LRRC4C: variants seen among roughly 807,000 people sequenced by gnomAD.
LRRC4C encodes the protein leucine-rich repeat-containing protein 4C.
In LRRC4C, 5 loss-of-function variants were observed where a neutral mutation model predicts 33.6. The observed-to-expected ratio is 0.15, with a 90% confidence interval of 0.08 to 0.31. LRRC4C has a LOEUF of 0.31. Ranked by LOEUF, LRRC4C falls within the 10% of genes least tolerant of loss-of-function variation. The probability of loss-of-function intolerance (pLI) is 1.00; values close to 1 mark genes in which losing one functional copy is unlikely to be tolerated. For synonymous variants in LRRC4C, 329 were observed against 302.0 expected (o/e 1.09, Z -0.93); for missense variants, 560 against 796.7 (o/e 0.70, Z 3.58).
intron 3 of LRRC4C, chr11:40,446,982 T>A (rs2138031670): frequency 6.5e-6 from 1 of 153,424 alleles, no homozygotes; most frequent in African/African-American, 2.4e-5. Flanking sequence ...CTACCACTTA[T>A]GGCTCTGCTC....
chr11:41,251,077 A>G (rs1948623703), intron 1 of LRRC4C, among the ~76,000 whole-genome samples: 1 of 152,242 alleles, frequency 6.6e-6, no homozygotes, highest in African/African-American at 2.4e-5. Flanking sequence ...TCAACCAAAA[A>G]TAAGAAGCCA....
In LRRC4C at chr11:41,076,318, A is replaced by G. The variant is rs905569731; in HGVS notation, c.-495-142595T>C. 4.6e-5 allele frequency among the ~76,000 whole-genome samples: 7 copies of G among 152,182 alleles called. No homozygotes were observed. The East Asian group carries it at 1.3e-3, about 29-fold the overall frequency. On this transcript the variant is annotated intron_variant, in intron 1 of 6. Transcript: ENST00000528697. The stretch of plus-strand genomic sequence containing the variant: ...GTCCACTTCAAGTATTGCCAGATGT[A>G]TTAGTCCATCCTCACAATGCTATAA...
intron 4 of LRRC4C, among the ~76,000 whole-genome samples, chr11:40,297,715 T>A (rs1944581394): frequency 6.6e-6 from 1 of 152,202 alleles, no homozygotes; most frequent in Non-Finnish European, 1.5e-5. Flanking sequence ...TAGCATTTAA[T>A]GAAAGCTTGC....
intron 5 of LRRC4C, among the ~76,000 whole-genome samples, chr11:40,211,316 G>A (rs1313537746): frequency 6.6e-6 from 1 of 152,046 alleles, no homozygotes; most frequent in African/African-American, 2.4e-5. Context: ...AATAGATAAC[G>A]AGAAAATAAG....
intron 1 of LRRC4C, among the ~76,000 whole-genome samples, chr11:40,966,202 T>C (rs1457914864): frequency 6.6e-6 from 1 of 151,950 alleles, no homozygotes; most frequent in Admixed American, 6.6e-5. Context: ...ACAAAATCAA[T>C]ACAGTGCAAC....
At position 40,115,294 on chromosome 11, in the gene LRRC4C, A is replaced by G. The variant is rs200117922; in HGVS notation, c.999T>C (p.Pro333=). 4.5e-5 allele frequency: 73 copies of G among 1,614,140 alleles called. No homozygotes were observed. In the East Asian group the frequency reaches 1.5e-3, roughly 34 times the overall value. ...NTACCARCNT[P]PNLKGRYIGE... is the part of the protein sequence containing the mutation. ...CAATGTACCTCCCCTTTAGATTGGG[A>G]GGAGTGTTACACCGGGCACAACAAG... Residue 333 remains proline, a synonymous_variant, in exon 7 of 7, where the codon CCT becomes CCC. Coordinates refer to ENST00000528697, the MANE Select transcript of LRRC4C (RefSeq NM_001258419.2). The surrounding 1 kb of genome is among the most constrained non-coding windows in gnomAD (Gnocchi z 6.7).
chr11:40,291,870 C>A (rs1230002671), intron 4 of LRRC4C, among the ~76,000 whole-genome samples: 1 of 151,866 alleles, frequency 6.6e-6, no homozygotes, highest in Non-Finnish European at 1.5e-5. Context: ...AACTTAAATG[C>A]ATTCTGGAGT....
intron 6 of LRRC4C, among the ~76,000 whole-genome samples, chr11:40,138,498 T>C (rs1857140992): frequency 6.6e-6 from 1 of 152,206 alleles, no homozygotes; most frequent in African/African-American, 2.4e-5. Flanking sequence ...CCAAACCTCA[T>C]GGCTTAGAAG....
intron 3 of LRRC4C, among the ~76,000 whole-genome samples, chr11:40,488,667 T>A (rs531762514): frequency 1.2e-4 from 18 of 152,044 alleles, no homozygotes; most frequent in Non-Finnish European, 2.5e-4. Context: ...CCTGTTTGGA[T>A]TCTTACGTGA....
chr11:40,662,605 C>T (rs1943500515), intron 2 of LRRC4C, among the ~76,000 whole-genome samples: 1 of 152,190 alleles, frequency 6.6e-6, no homozygotes, highest in African/African-American at 2.4e-5. Flanking sequence ...AAATTCAGTT[C>T]TGATCCTTTT....
At chr11:41,271,572 A>G (rs961199086) in intron 1 of LRRC4C, among the ~76,000 whole-genome samples, 1 of 152,070 alleles carries the variant, frequency 6.6e-6, no homozygotes, top group Non-Finnish European at 1.5e-5. Flanking sequence ...TAACTGAACT[A>G]GCTCCCTCTC....
intron 3 of LRRC4C, among the ~76,000 whole-genome samples, chr11:40,607,409 A>G (rs759696802): frequency 3.9e-5 from 6 of 152,142 alleles, no homozygotes; most frequent in Non-Finnish European, 4.4e-5. Flanking sequence ...GTGCCTATAA[A>G]AAACCTGTGA....
chr11:41,052,671 G>GT (rs1286642927), intron 1 of LRRC4C, among the ~76,000 whole-genome samples: 1 of 152,032 alleles, frequency 6.6e-6, no homozygotes, highest in Non-Finnish European at 1.5e-5. Flanking sequence ...AAAACAGTGA[G>GT]TAGGTGACTA....
In LRRC4C at chr11:41,353,816, A is replaced by G. The variant is rs192576855; in HGVS notation, c.-496+105615T>C. Among the ~76,000 whole-genome samples, 19 of 152,276 alleles carry G rather than the reference A, an allele frequency of 1.2e-4. No individual in the cohort carries two copies. The East Asian group carries it at 3.7e-3, about 29-fold the overall frequency. ...CACATAACTCTTTCAATAAAATTCA[A>G]CATCCCTTCATGTTAAAAAACAAAA... On this transcript the variant is annotated intron_variant, in intron 1 of 6. Transcript: ENST00000528697.
chr11:40,898,669 G>A (rs561930220), intron 2 of LRRC4C, among the ~76,000 whole-genome samples: 1 of 151,966 alleles, frequency 6.6e-6, no homozygotes, highest in Non-Finnish European at 1.5e-5. Flanking sequence ...AACTCCATTA[G>A]GCAGACCTTT....
At chr11:41,089,030 C>T (rs1013936289) in intron 1 of LRRC4C, among the ~76,000 whole-genome samples, 5 of 152,054 alleles carry the variant, frequency 3.3e-5, no homozygotes, top group Non-Finnish European at 7.4e-5. Flanking sequence ...AGTAGTTATA[C>T]ATCCATCTTG....
intron 3 of LRRC4C, among the ~76,000 whole-genome samples, chr11:40,515,812 T>C (rs780743719): frequency 1.2e-4 from 18 of 152,118 alleles, no homozygotes; most frequent in South Asian, 2.1e-4. Context: ...CCTCATGAAG[T>C]ACTGTGGCCA....
At chr11:40,794,751 T>C (rs1309543915) in intron 2 of LRRC4C, among the ~76,000 whole-genome samples, 3 of 152,102 alleles carry the variant, frequency 2.0e-5, no homozygotes, top group East Asian at 3.9e-4. Flanking sequence ...TGAGTAGGAC[T>C]CATCAAATAA....
chr11:41,316,352 A>AGCCTACCC (rs1349193153), intron 1 of LRRC4C, among the ~76,000 whole-genome samples: 4 of 151,950 alleles, frequency 2.6e-5, no homozygotes, highest in Non-Finnish European at 5.9e-5. Context: ...TTACACATGA[A>AGCCTACCC]GCCTACCCTA....
Sources: allele counts gnomAD v4.1 joint callset (sites outside exome capture counted in the v4.1 genomes callset), GRCh38; gene constraint gnomAD v4.1.1; non-coding constraint Gnocchi (gnomAD v3.1); transcripts MANE v1.5; gene names NCBI Gene and HGNC (gene_info 2026-07-23, HGNC 2026-07-21).